Variants in TAF6 observed in about 807,000 individuals in gnomAD.
The protein encoded by TAF6 is transcription initiation factor TFIID subunit 6.
A neutral mutation model predicts 73.5 loss-of-function variants in TAF6; 50 were observed. The ratio of observed to expected loss-of-function variants is 0.68; its 90% CI spans 0.54 to 0.86. The LOEUF is 0.86. TAF6 is among the 40% of genes least tolerant of loss of function. The pLI is 0.00. For missense variants in TAF6, 768 were observed against 899.5 expected (o/e 0.85, Z 1.87); for synonymous variants, 424 against 376.7 (o/e 1.13, Z -1.45).
chr7:100,111,899 A>G (rs1321442056), intron 8 of TAF6, 23 bp downstream of exon 8: 2 of 1,613,988 alleles, frequency 1.2e-6, no homozygotes, highest in Non-Finnish European at 1.7e-6. Flanking sequence ...CCGTCCCTGC[A>G]CTGTGGAACC....
chr7:100,122,719 G>T, upstream of TAF6: 1 of 1,569,602 alleles, frequency 6.4e-7, no homozygotes, highest in South Asian at 1.2e-5. Context: ...AAACTGAAAT[G>T]GCAGAAAGGG....
chr7:100,122,386 G>A (rs753376538), upstream of TAF6: 43 of 1,613,976 alleles, frequency 2.7e-5, no homozygotes, highest in African/African-American at 9.3e-5. Flanking sequence ...ACAGCGTTTC[G>A]TGAGTCCTTC....
the TAF6 span, among the ~76,000 whole-genome samples, chr7:100,126,388 C>CA: frequency 6.6e-6 from 1 of 152,076 alleles, no homozygotes; most frequent in East Asian, 1.9e-4. Context: ...CCTGTATTCC[C>CA]AGCACTCCAG....
intron 1 of TAF6, among the ~76,000 whole-genome samples, chr7:100,117,569 GC>G (rs1438241621): frequency 1.3e-5 from 2 of 151,770 alleles, no homozygotes; most frequent in Non-Finnish European, 2.9e-5. Context: ...ACTGTGCCCG[GC>G]CGACAGAGCT....
upstream of TAF6, chr7:100,122,512 T>A: frequency 3.7e-6 from 6 of 1,613,882 alleles, no homozygotes; most frequent in Non-Finnish European, 5.1e-6. Context: ...CTTAGAGAAT[T>A]TATGTGAGCG....
chr7:100,107,092 T>C lies in TAF6; in HGVS notation c.*154A>G. The C allele has an allele frequency of 7.6e-7, 1 of 1,311,362 alleles. No homozygotes were observed. The allele number at this position is 1,311,362 out of a possible 1,614,324, so 81.2% of individuals were successfully genotyped here. On this transcript the variant is annotated 3_prime_UTR_variant, in exon 15 of 15. Coordinates refer to ENST00000453269, the MANE Select transcript of TAF6 (RefSeq NM_139315.3). The stretch of plus-strand genomic sequence containing the variant: ...GGATCAGAACTTACAAACCAAACTT[T>C]TATTCTGAGAAACTGGCTGTACAAT...
At chr7:100,124,954 C>T in the TAF6 span, 163 of 1,504,160 alleles carry the variant, frequency 1.1e-4, no homozygotes, top group Non-Finnish European at 1.4e-4. Context: ...TGCACTCTCC[C>T]TGCTCCACAG....
At chr7:100,123,927 A>G (rs969874406), upstream of TAF6, among the ~76,000 whole-genome samples, 1 of 152,148 alleles carries the variant, frequency 6.6e-6, no homozygotes, top group Non-Finnish European at 1.5e-5. Flanking sequence ...TCAGGGGTTC[A>G]AGACCAGCCG....
At chr7:100,109,896 A>G in intron 12 of TAF6, 52 bp downstream of exon 12, 3 of 1,601,678 alleles carry the variant, frequency 1.9e-6, no homozygotes, top group Non-Finnish European at 1.7e-6. Context: ...TATGCTTGCT[A>G]AACACTGCCT....
At position 100,119,288 on chromosome 7, in the gene TAF6, G is replaced by T; in HGVS notation, c.-144C>A. ...GACCCGCCCCCGCCACCCGAGCGCGGGGAGCAGGAAAACTCTAGCGGCAGC... is the reference window on the plus strand; with the variant it reads ...GACCCGCCCCCGCCACCCGAGCGCGTGGAGCAGGAAAACTCTAGCGGCAGC... On this transcript the variant is annotated 5_prime_UTR_variant, in exon 1 of 15. Coordinates refer to ENST00000453269, the MANE Select transcript of TAF6 (RefSeq NM_139315.3). 1 of 1,021,232 alleles carries T rather than the reference G, an allele frequency of 9.8e-7. No individual in the cohort carries two copies. The highest frequency in any genetic ancestry group is 3.3e-5 in the South Asian group (1 of 30,444). The allele number at this position is 1,021,232 out of a possible 1,614,324, so 63.3% of individuals were successfully genotyped here. A position where few individuals can be genotyped will look rare whatever the true frequency, so the allele number is the denominator to read the frequency against.
chr7:100,118,935 CTCCTACGAA>C (rs753339295), intron 1 of TAF6: 1 of 985,392 alleles, frequency 1.0e-6, no homozygotes, highest in Non-Finnish European at 1.2e-6. Context: ...CCCTGGCGAA[CTCCTACGAA>C]TCCTTCAATA....
intron 9 of TAF6, 44 bp from the exon 10 acceptor site, chr7:100,111,365 C>T (rs2116776696): frequency 6.3e-7 from 1 of 1,592,198 alleles, no homozygotes; most frequent in Non-Finnish European, 8.6e-7. Flanking sequence ...TTTTGTTTGT[C>T]TGCTTGAGAT....
chr7:100,108,152 G>A (rs1405565461), intron 13 of TAF6, 29 bp from the exon 14 acceptor site: 2 of 1,568,902 alleles, frequency 1.3e-6, no homozygotes, highest in South Asian at 1.2e-5. Flanking sequence ...AGGGGGAAGT[G>A]GCACCATCTA....
At chr7:100,117,596 T>C (rs1398044192) in intron 1 of TAF6, among the ~76,000 whole-genome samples, 123 of 151,772 alleles carry the variant, frequency 8.1e-4, no homozygotes, top group Non-Finnish European at 7.4e-5. Context: ...TTATGTTCAC[T>C]GATGTATTCC....
In TAF6 at chr7:100,111,971, G is replaced by T; in HGVS notation, c.749C>A (p.Pro250His). The T allele has an allele frequency of 6.2e-7, 1 of 1,614,134 alleles. No individual in the cohort carries two copies. Among genetic ancestry groups the T allele is most frequent in the Non-Finnish European group, 8.5e-7 (1 of 1,180,010 alleles). ...CCGTGGCAGCATCTGATACAGTCCA[G>T]GGTCCGTGGCAATGCTTTGCAGGGC... is the stretch of plus-strand genomic sequence containing the variant. ...AEALQSIATD[P>H]GLYQMLPRFS... The change falls in exon 8 of 15, where the codon CCT (proline) becomes CAT (histidine). Residue 250 changes from proline to histidine, a missense_variant. Transcript: ENST00000453269.
rs780866717 is a variant in TAF6, at chr7:100,113,718, C to A, written c.295G>T (p.Gly99Cys). 1.5e-5 allele frequency: 24 copies of A among 1,614,100 alleles called. No individual in the cohort carries two copies. Among genetic ancestry groups the A allele is most frequent in the Non-Finnish European group, 2.0e-5 (24 of 1,180,012 alleles). The change falls in exon 4 of 15, where the codon GGT (glycine) becomes TGT (cysteine). Residue 99 changes from glycine (G) to cysteine (C), a missense_variant. By Grantham distance (159) the Gly-to-Cys change is radical. Transcript: ENST00000453269. Reference sequence around the variant, plus strand: ...TAGAAGTAAAGCTCCCGGCCCCCACCAGAGGCGAAGCGGAAAGGAATGAAC... The same window carrying A: ...TAGAAGTAAAGCTCCCGGCCCCCACAAGAGGCGAAGCGGAAAGGAATGAAC... ...QEFIPFRFAS[G>C]GGRELYFYEE...
At chr7:100,109,335 AAAG>A (rs1380434446) in intron 12 of TAF6, among the ~76,000 whole-genome samples, 1 of 151,872 alleles carries the variant, frequency 6.6e-6, no homozygotes, top group Admixed American at 6.6e-5. Flanking sequence ...AAAAAAAAAA[AAAG>A]AAAAGAAAAA....
chr7:100,111,376 A>G (rs1030772999), intron 9 of TAF6, 55 bp from the exon 10 acceptor site: 2 of 1,580,456 alleles, frequency 1.3e-6, no homozygotes, highest in African/African-American at 2.7e-5. Flanking sequence ...TGCTTGAGAT[A>G]AAGTCTTGCT....
chr7:100,114,462 ATCCCACCAGCAC>A lies in TAF6; in HGVS notation c.-59-206_-59-195del, dbSNP rs1797510671. ...CCAGGTTCAGTGGCTCACGCCTGTA[ATCCCACCAGCAC>A]TTTGGGAGGACGAGGCGGGCGGATC... On this transcript the variant is annotated intron_variant, in intron 1 of 14. Coordinates refer to ENST00000453269, the MANE Select transcript of TAF6 (RefSeq NM_139315.3). The A allele has an allele frequency of 4.7e-6, 3 of 642,362 alleles. No individual in the cohort carries two copies. The African/African-American group carries it at 5.4e-5, about 12-fold the overall frequency. 39.8% of individuals were successfully genotyped at this position (642,362 alleles called of 1,614,324 possible).
Sources: gnomAD v4.1 joint callset for allele counts (sites outside exome capture counted in the v4.1 genomes callset) on GRCh38, gnomAD v4.1.1 for gene constraint, MANE v1.5 for transcripts, NCBI Gene and HGNC (gene_info 2026-07-23, HGNC 2026-07-21) for gene names.